The following FAM120B variants were observed in gnomAD, a reference collection of about 807,000 sequenced individuals.
The protein encoded by FAM120B is family with sequence similarity 120 member B, also known as constitutive coactivator of peroxisome proliferator-activated receptor gamma.
FAM120B carries 83 observed loss-of-function variants against 96.3 expected under a neutral mutation model. That is an observed-to-expected ratio of 0.86 (90% CI 0.72 to 1.03). The LOEUF (loss-of-function observed/expected upper bound fraction) is 1.03, where lower values mean the gene tolerates loss of function less well. FAM120B is among the 50% of genes least tolerant of loss of function. FAM120B has a pLI of 0.00. For missense variants in FAM120B, 1,027 were observed against 1,121.2 expected, an observed-to-expected ratio of 0.92 and a Z score of 1.20; for synonymous variants, 407 against 402.7, an observed-to-expected ratio of 1.01 and a Z score of -0.13.
At chr6:170,400,990 C>G (rs1259276227) in intron 9 of FAM120B, among the ~76,000 whole-genome samples, 4 of 152,200 alleles carry the variant, frequency 2.6e-5, no homozygotes, top group Non-Finnish European at 2.9e-5. Context: ...AAAGAACCCC[C>G]TTCCTTGGAT....
chr6:170,393,916 A>ACT (rs35587159), intron 8 of FAM120B, among the ~76,000 whole-genome samples: 19,986 of 151,966 alleles, frequency 0.13, 1,542 homozygotes, highest in African/African-American at 0.22. Flanking sequence ...ACACCAAGCT[A>ACT]CTCGGTGTGT....
chr6:170,391,346 C>A, intron 8 of FAM120B: 1 of 496,872 alleles, frequency 2.0e-6, no homozygotes, highest in Non-Finnish European at 3.7e-6. Flanking sequence ...ACCAGCCTGG[C>A]CCACATGGTG....
Position 170,318,939 on chromosome 6 carries a change from A to C in FAM120B, c.1549A>C (p.Lys517Gln). 1 of 1,614,204 alleles carries C rather than the reference A, an allele frequency of 6.2e-7. No homozygotes were observed. The highest frequency in any genetic ancestry group is 2.2e-5 in the East Asian group (1 of 44,882). Residue 517 changes from lysine (K) to glutamine (Q), a missense_variant, in exon 2 of 11, where the codon AAG (lysine) becomes CAG (glutamine). Physicochemically the swap from Lys to Gln is moderately conservative, Grantham distance 53. Transcript: ENST00000476287. ...TCCCATATGTACAGATCCTATATCC[A>C]AGCAAGAAGACTCCATGTGTACACA... The part of the protein sequence containing the change: ...EVPICTDPIS[K>Q]QEDSMCTHAE...
At chr6:170,299,936 A>G (rs1407691876) in intron 1 of FAM120B, among the ~76,000 whole-genome samples, 1 of 152,248 alleles carries the variant, frequency 6.6e-6, no homozygotes, top group African/African-American at 2.4e-5. Context: ...TACAATGATC[A>G]TAAGAAGAGG....
chr6:170,347,879 T>A (rs1442229648), intron 4 of FAM120B, among the ~76,000 whole-genome samples: 1 of 152,220 alleles, frequency 6.6e-6, no homozygotes, highest in Non-Finnish European at 1.5e-5. Flanking sequence ...TTGAAAGATG[T>A]TCTGAAAGCA....
chr6:170,331,158 C>T (rs1030404489), intron 4 of FAM120B, among the ~76,000 whole-genome samples: 11 of 152,132 alleles, frequency 7.2e-5, no homozygotes, highest in African/African-American at 2.4e-4. Context: ...TCTGTGAGTT[C>T]GTAGTATCTG....
At position 170,317,820 on chromosome 6, in the gene FAM120B, G is replaced by T; in HGVS notation, c.430G>T (p.Ala144Ser). 1 of 1,614,192 alleles carries T rather than the reference G, an allele frequency of 6.2e-7. No individual in the cohort carries two copies. Among genetic ancestry groups the T allele is most frequent in the Non-Finnish European group, 8.5e-7 (1 of 1,180,016 alleles). Residue 144 changes from alanine to serine, a missense_variant, in exon 2 of 11, where the codon GCT (alanine) becomes TCT (serine). Transcript: ENST00000476287. ...PSGLAVFTRF[A>S]LKTLGQETLC... ...AGGGCTAGCTGTGTTTACACGATTT[G>T]CTCTAAAGACACTGGGCCAGGAAAC...
In FAM120B at chr6:170,317,679, A is replaced by G. The variant is rs1264227061; in HGVS notation, c.289A>G (p.Lys97Glu). ...CTTTGATGGCATGGTGGAGCAGGAT[A>G]AGAGAGATGAATGGGTGAAACGAAG... ...FFFDGMVEQD[K>E]RDEWVKRRLK... is the part of the protein sequence containing the mutation. The change falls in exon 2 of 11, where the codon AAG becomes GAG. Residue 97 changes from lysine to glutamate, a missense_variant. Lys to Glu is a moderately conservative substitution (Grantham distance 56). Coordinates refer to ENST00000476287, the MANE Select transcript of FAM120B (RefSeq NM_032448.3). 2.5e-6 allele frequency: 4 copies of G among 1,614,062 alleles called. No individual in the cohort carries two copies. The highest frequency in any genetic ancestry group is 3.4e-6 in the Non-Finnish European group (4 of 1,180,036).
chr6:170,381,170 G>A (rs998881565), intron 6 of FAM120B, among the ~76,000 whole-genome samples: 1 of 152,152 alleles, frequency 6.6e-6, no homozygotes, highest in Non-Finnish European at 1.5e-5. Flanking sequence ...CTGTCAAGAA[G>A]TAAGAAAACA....
chr6:170,340,894 C>CAG (rs1383184091), intron 4 of FAM120B, among the ~76,000 whole-genome samples: 4 of 152,190 alleles, frequency 2.6e-5, no homozygotes, highest in Non-Finnish European at 4.4e-5. Flanking sequence ...AGATGCCAGC[C>CAG]AGAGCTCTCC....
At chr6:170,339,699 AG>A (rs1239567276) in intron 4 of FAM120B, among the ~76,000 whole-genome samples, 1 of 150,194 alleles carries the variant, frequency 6.7e-6, no homozygotes, top group African/African-American at 2.5e-5. Context: ...GAATCACTTG[AG>A]CCTGGGAGGC....
chr6:170,293,654 C>G (rs974013656), upstream of FAM120B, among the ~76,000 whole-genome samples: 1 of 151,944 alleles, frequency 6.6e-6, no homozygotes, highest in African/African-American at 2.4e-5. Context: ...CTCCTTCCTC[C>G]TCCTCCTGTT....
intron 4 of FAM120B, among the ~76,000 whole-genome samples, chr6:170,335,725 G>C (rs1463864654): frequency 6.6e-6 from 1 of 152,134 alleles, no homozygotes; most frequent in Non-Finnish European, 1.5e-5. Context: ...GTTGTTTCCT[G>C]ACTTTTTAAT....
chr6:170,379,849 ATG>A (rs935363816), intron 6 of FAM120B, among the ~76,000 whole-genome samples: 34 of 152,236 alleles, frequency 2.2e-4, no homozygotes, highest in African/African-American at 6.7e-4. Flanking sequence ...CCTTTTGTGT[ATG>A]TGTGTGTGGT....
chr6:170,357,022 G>A (rs1787997658), intron 5 of FAM120B, among the ~76,000 whole-genome samples: 3 of 152,172 alleles, frequency 2.0e-5, no homozygotes, highest in Admixed American at 2.0e-4. Context: ...CCATCCTCCA[G>A]GGGAGCACAG....
chr6:170,380,646 C>T (rs1211548562), intron 6 of FAM120B, among the ~76,000 whole-genome samples: 1 of 152,176 alleles, frequency 6.6e-6, no homozygotes, highest in Non-Finnish European at 1.5e-5. Context: ...TGTGTACTGT[C>T]TTTAGAGAAA....
chr6:170,403,502 CA>C (rs1321234088), intron 9 of FAM120B, among the ~76,000 whole-genome samples: 3 of 152,044 alleles, frequency 2.0e-5, no homozygotes, highest in Middle Eastern at 3.2e-3. Context: ...CAGTCACTGC[CA>C]AAAGTTGTCA....
intron 9 of FAM120B, among the ~76,000 whole-genome samples, chr6:170,397,577 C>T (rs1011567447): frequency 5.3e-5 from 8 of 152,066 alleles, no homozygotes; most frequent in South Asian, 2.1e-4. Context: ...GACCACATCC[C>T]GCAGAAATGC....
intron 8 of FAM120B, among the ~76,000 whole-genome samples, chr6:170,392,122 A>G (rs1159326448): frequency 6.6e-6 from 1 of 152,230 alleles, no homozygotes; most frequent in Non-Finnish European, 1.5e-5. Flanking sequence ...AATTTTAGGT[A>G]AATGATCACT....
Sources: allele counts gnomAD v4.1 joint callset (sites outside exome capture counted in the v4.1 genomes callset), GRCh38; gene constraint gnomAD v4.1.1; transcripts MANE v1.5; gene names NCBI Gene and HGNC (gene_info 2026-07-23, HGNC 2026-07-21).